SARS2: variants seen among roughly 807,000 people sequenced by gnomAD.
The protein encoded by SARS2 is serine--tRNA ligase, mitochondrial.
SARS2 carries 52 observed loss-of-function variants against 66.8 expected under a neutral mutation model. The ratio of observed to expected loss-of-function variants is 0.78; its 90% CI spans 0.62 to 0.98. The LOEUF is 0.98. SARS2 is among the 50% of genes least tolerant of loss of function. SARS2 has a pLI of 0.00. For missense variants in SARS2, 673 were observed against 706.3 expected, an observed-to-expected ratio of 0.95 and a Z score of 0.53; for synonymous variants, 306 against 281.4, an observed-to-expected ratio of 1.09 and a Z score of -0.87.
At chr19:38,929,372 T>C (rs528312616) in intron 1 of SARS2, among the ~76,000 whole-genome samples, 3 of 151,458 alleles carry the variant, frequency 2.0e-5, no homozygotes, top group East Asian at 1.9e-4. Flanking sequence ...CTGGGCAACA[T>C]AGTATGTCCC....
In SARS2 at chr19:38,916,089, C is replaced by A. The variant is rs868274394; in HGVS notation, c.1295G>T (p.Arg432Leu). 8.7e-6 allele frequency: 14 copies of A among 1,613,886 alleles called. No individual in the cohort carries two copies. Among genetic ancestry groups the A allele is most frequent in the Non-Finnish European group, 1.2e-5 (14 of 1,179,962 alleles). Residue 432 changes from arginine to leucine, a missense_variant, in exon 14 of 16, where the codon CGC becomes CTC. Physicochemically the swap from Arg to Leu is moderately radical, Grantham distance 102. Coordinates refer to ENST00000221431, the MANE Select transcript of SARS2 (RefSeq NM_017827.4). Reference sequence around the variant, plus strand: ...CTCGGTCTGGAACATGATGTGGAGGCGGCGGCTCTGGAAGTCTGTGCAGTT... The same window carrying A: ...CTCGGTCTGGAACATGATGTGGAGGAGGCGGCTCTGGAAGTCTGTGCAGTT... ...ASNCTDFQSR[R>L]LHIMFQTEAG...
intron 1 of SARS2, 47 bp downstream of exon 1, chr19:38,930,423 C>T (rs768109811): frequency 1.9e-6 from 3 of 1,552,746 alleles, no homozygotes; most frequent in Non-Finnish European, 2.6e-6. Context: ...CCCAATTCTT[C>T]CGTAAAGCAA....
At position 38,921,880 on chromosome 19, in the gene SARS2, G is replaced by A. The variant is rs1974543131; in HGVS notation, c.394-213C>T. 6.6e-6 allele frequency: 9 copies of A among 1,366,232 alleles called. No individual in the cohort carries two copies. The Admixed American group carries it at 1.2e-4, about 18-fold the overall frequency. The allele number at this position is 1,366,232 out of a possible 1,614,324, so 84.6% of individuals were successfully genotyped here. A position where few individuals can be genotyped will look rare whatever the true frequency, so the allele number is the denominator to read the frequency against. On this transcript the variant is annotated intron_variant, in intron 3 of 15. Coordinates refer to ENST00000221431, the MANE Select transcript of SARS2 (RefSeq NM_017827.4). Reference sequence around the variant, plus strand: ...GCCTGGCCAACTAGAACGTTCTATTGCCTTGGCCACAATGACTGGCTCAGA... The same window carrying A: ...GCCTGGCCAACTAGAACGTTCTATTACCTTGGCCACAATGACTGGCTCAGA...
Position 38,920,050 on chromosome 19 carries a change from G to A in SARS2, c.653+36C>T, listed in dbSNP as rs201029691. On this transcript the variant is annotated intron_variant, in intron 6 of 15. Coordinates refer to ENST00000221431, the MANE Select transcript of SARS2 (RefSeq NM_017827.4). The stretch of plus-strand genomic sequence containing the variant: ...GCCAGCTGTCGGGGTGCAGGCAGCT[G>A]GGAGAGGGGCGTGGGGAGCCAGGGG... The A allele has an allele frequency of 3.1e-5, 48 of 1,539,262 alleles. No individual in the cohort carries two copies. In the Middle Eastern group the frequency reaches 5.1e-4, roughly 16 times the overall value.
chr19:38,916,720 T>G (rs1974425609), intron 12 of SARS2, among the ~76,000 whole-genome samples: 1 of 148,910 alleles, frequency 6.7e-6, no homozygotes, highest in East Asian at 2.0e-4. Flanking sequence ...TGGAGAGCAG[T>G]GGCGCGATCT....
intron 5 of SARS2, among the ~76,000 whole-genome samples, chr19:38,920,684 C>T (rs547390450): frequency 6.6e-6 from 1 of 151,808 alleles, no homozygotes; most frequent in East Asian, 1.9e-4. Context: ...CACACAGATA[C>T]ACGGATACAG....
In SARS2 at chr19:38,918,130, A is replaced by C. The variant is rs1417463320; in HGVS notation, c.926T>G (p.Met309Arg). ...TAEVGLAGYF[M>R]DHTVAFRDLP... ...GTCCCTGAAGGCCACGGTGTGGTCC[A>C]TGAAGTAGCCTGGGAGGAGAGACCA... The change falls in exon 10 of 16, where the codon ATG becomes AGG. Residue 309 changes from methionine (M) to arginine (R), a missense_variant. Met to Arg is a moderately conservative substitution (Grantham distance 91). Transcript: ENST00000221431. The C allele has an allele frequency of 6.3e-7, 1 of 1,598,436 alleles. No individual in the cohort carries two copies. The highest frequency in any genetic ancestry group is 8.5e-7 in the Non-Finnish European group (1 of 1,172,990).
intron 10 of SARS2, 33 bp from the exon 11 acceptor site, chr19:38,918,041 G>C (rs776187528): frequency 1.2e-6 from 2 of 1,601,936 alleles, no homozygotes; most frequent in East Asian, 4.5e-5. Flanking sequence ...GGGTCAAGGA[G>C]GGAAGACTGA....
chr19:38,920,047 G>C, intron 6 of SARS2, 39 bp downstream of exon 6: 1 of 1,532,470 alleles, frequency 6.5e-7, no homozygotes, highest in Non-Finnish European at 8.9e-7. Context: ...GGTGCAGGCA[G>C]CTGGGAGAGG....
At position 38,917,983 on chromosome 19, in the gene SARS2, G is replaced by A. The variant is rs781367675; in HGVS notation, c.988C>T (p.Arg330Trp). The change falls in exon 11 of 16, where the codon CGG (arginine) becomes TGG (tryptophan). Residue 330 changes from arginine (R) to tryptophan (W), a missense_variant. Physicochemically the swap from Arg to Trp is moderately radical, Grantham distance 101. Transcript: ENST00000221431. ...TCCTGTCCCGTGTTTGTCTCTGCCC[G>A]GTAGCAGGTGCTGGAGCAAACCATC... ...VRMVCSSTCYRAETNTGQEPR... is the reference protein window; with the variant it reads ...VRMVCSSTCYWAETNTGQEPR... 182 of 1,603,676 alleles carry A rather than the reference G, an allele frequency of 1.1e-4. No individual in the cohort carries two copies. Among genetic ancestry groups the A allele is most frequent in the African/African-American group, 2.3e-4 (17 of 74,734 alleles).
rs771049172 is a variant in SARS2 at position 38,930,754 on chromosome 19, G to A, written c.-18C>T. 1 of 1,610,450 alleles carries A rather than the reference G, an allele frequency of 6.2e-7. No individual in the cohort carries two copies. Among genetic ancestry groups the A allele is most frequent in the Non-Finnish European group, 8.5e-7 (1 of 1,179,966 alleles). On this transcript the variant is annotated 5_prime_UTR_variant, in exon 1 of 16. Transcript: ENST00000221431. Reference sequence around the variant, plus strand: ...GCAGCCATCTTGGACCGGGAACAAGGCGGCACTTCGTCCCGCCCACTCCGC... The same window carrying A: ...GCAGCCATCTTGGACCGGGAACAAGACGGCACTTCGTCCCGCCCACTCCGC...
chr19:38,930,513 T>C lies in SARS2; in HGVS notation c.224A>G (p.Glu75Gly), dbSNP rs753664989. The C allele has an allele frequency of 1.9e-6, 3 of 1,612,290 alleles. No homozygotes were observed. The highest frequency in any genetic ancestry group is 1.1e-5 in the South Asian group (1 of 91,084). The change falls in exon 1 of 16, where the codon GAG becomes GGG. Residue 75 changes from glutamate to glycine, a missense_variant. Coordinates refer to ENST00000221431, the MANE Select transcript of SARS2 (RefSeq NM_017827.4). ...CGAGCGCAGCTCCCCCTTGCGGAGC[T>C]CCAGGGCGTGTGCGGCCTCTTCTGG... ...ACPEEAAHAL[E>G]LRKGELRSAD...
intron 3 of SARS2, chr19:38,921,893 T>C (rs947911646): frequency 2.9e-5 from 41 of 1,413,636 alleles, no homozygotes; most frequent in Admixed American, 1.2e-4. Context: ...TTGGCCACAA[T>C]GACTGGCTCA....
rs780098773 is a variant in SARS2 at position 38,922,218 on chromosome 19, A to T, written c.393+20T>A. 11 of 1,613,530 alleles carry T rather than the reference A, an allele frequency of 6.8e-6. No individual in the cohort carries two copies. In the South Asian group the frequency reaches 1.2e-4, roughly 18 times the overall value. On this transcript the variant is annotated intron_variant, in intron 3 of 15. Transcript: ENST00000221431. ...CTGCCCACCCCCAACCCTGGATAGG[A>T]CATCAACTCTTCACAGTACCTGCTG...
At position 38,923,219 on chromosome 19, in the gene SARS2, C is replaced by CTT. The variant is rs1165441029; in HGVS notation, c.364-954_364-953dup. 4.8e-3 allele frequency among the ~76,000 whole-genome samples: 365 copies of CTT among 75,740 alleles called. 13 individuals carry two copies. The highest frequency in any genetic ancestry group is 7.3e-3 in the African/African-American group (126 of 17,338). The allele number at this position is 75,740 out of a possible 152,430, so 49.7% of individuals were successfully genotyped here. A position where few individuals can be genotyped will look rare whatever the true frequency, so the allele number is the denominator to read the frequency against. On this transcript the variant is annotated intron_variant, in intron 2 of 15. Transcript: ENST00000221431. ...CGCGCCCAGCCTGATCTCAGGTTTT[C>CTT]TTTTTTTTTTTTTTTTTTTTGAGAC...
intron 1 of SARS2, among the ~76,000 whole-genome samples, chr19:38,929,427 C>T (rs534814280): frequency 6.7e-6 from 1 of 148,760 alleles, no homozygotes; most frequent in Non-Finnish European, 1.5e-5. Flanking sequence ...GTGGTGGTGT[C>T]TGCCTGTAGT....
At chr19:38,926,404 C>G (rs186065041) in intron 1 of SARS2, 104 bp from the exon 2 acceptor site, 1 of 993,818 alleles carries the variant, frequency 1.0e-6, no homozygotes, top group Non-Finnish European at 1.5e-6. Flanking sequence ...AGGCAGAGAT[C>G]CCTACCTAGC....
chr19:38,919,933 A>AC (rs1974488659), intron 6 of SARS2, 66 bp from the exon 7 acceptor site: 1 of 1,473,114 alleles, frequency 6.8e-7, no homozygotes, highest in Non-Finnish European at 9.4e-7. Context: ...GGATGAAAAC[A>AC]CCCGGGGGAA....
At position 38,929,562 on chromosome 19, in the gene SARS2, C is replaced by CAA. The variant is rs34985712; in HGVS notation, c.267+906_267+907dup. 2.2e-3 allele frequency among the ~76,000 whole-genome samples: 256 copies of CAA among 113,928 alleles called. 2 individuals are homozygous for CAA. The highest frequency in any genetic ancestry group is 5.1e-3 in the African/African-American group (162 of 31,702). 74.7% of individuals were successfully genotyped at this position (113,928 alleles called of 152,430 possible). On this transcript the variant is annotated intron_variant, in intron 1 of 15. Transcript: ENST00000221431. ...TGGGCGACAGAACAACACCCTATCT[C>CAA]AAAAAAAAAAAAAAAAAAAGTGGAT... is the stretch of plus-strand genomic sequence containing the variant.
Sources: allele counts gnomAD v4.1 joint callset (sites outside exome capture counted in the v4.1 genomes callset), GRCh38; gene constraint gnomAD v4.1.1; transcripts MANE v1.5; gene names NCBI Gene and HGNC (gene_info 2026-07-23, HGNC 2026-07-21).